DOCK1: variants seen among roughly 807,000 people sequenced by gnomAD.
The protein encoded by DOCK1 is dedicator of cytokinesis 1, also known as dedicator of cytokinesis protein 1.
Under a neutral mutation model 262.7 loss-of-function variants are expected in DOCK1, and 138 were observed. The ratio of observed to expected loss-of-function variants is 0.53; its 90% CI spans 0.46 to 0.61. The LOEUF (loss-of-function observed/expected upper bound fraction) is 0.61, where lower values mean the gene tolerates loss of function less well. Ranked by LOEUF, DOCK1 falls within the 20% of genes least tolerant of loss-of-function variation. DOCK1 has a pLI of 0.00. For synonymous variants in DOCK1, 866 were observed against 867.4 expected, an observed-to-expected ratio of 1.00 and a Z score of 0.03; for missense variants, 1,908 against 2,370.7, an observed-to-expected ratio of 0.80 and a Z score of 4.05.
At chr10:127,180,075 A>C (rs1156627200) in intron 27 of DOCK1, among the ~76,000 whole-genome samples, 1 of 152,218 alleles carries the variant, frequency 6.6e-6, no homozygotes, top group East Asian at 1.9e-4. Flanking sequence ...CACATGCCCT[A>C]ACCCACTACC....
intron 29 of DOCK1, among the ~76,000 whole-genome samples, chr10:127,290,692 G>C (rs1362978057): frequency 6.6e-6 from 1 of 152,166 alleles, no homozygotes; most frequent in East Asian, 1.9e-4. Context: ...GTAACCTTTT[G>C]AGACTGGCTT....
At chr10:127,113,568 G>C (rs2048996295) in intron 25 of DOCK1, among the ~76,000 whole-genome samples, 1 of 152,170 alleles carries the variant, frequency 6.6e-6, no homozygotes, top group Admixed American at 6.5e-5. Context: ...TGCCAGGTCT[G>C]GGTCCCAGTA....
rs561742398 is a variant in DOCK1 at position 126,978,768 on chromosome 10, A to G, written c.171+780A>G. On this transcript the variant is annotated intron_variant, in intron 3 of 51. Coordinates refer to ENST00000623213, the MANE Select transcript of DOCK1 (RefSeq NM_001290223.2). Reference sequence around the variant, plus strand: ...GGTTCATTTTACTTTTGTGTCCTAAATTTACCTCTCATTATCTCCTTATTG... The same window carrying G: ...GGTTCATTTTACTTTTGTGTCCTAAGTTTACCTCTCATTATCTCCTTATTG... 1.3e-3 allele frequency among the ~76,000 whole-genome samples: 205 copies of G among 152,168 alleles called. 2 individuals are homozygous for G. In the Middle Eastern group the frequency reaches 0.021, roughly 15 times the overall value.
intron 46 of DOCK1, among the ~76,000 whole-genome samples, chr10:127,424,794 G>A (rs2068718747): frequency 6.6e-6 from 1 of 152,194 alleles, no homozygotes; most frequent in African/African-American, 2.4e-5. Flanking sequence ...AGAAAGGCCT[G>A]ACATGTGCCT....
In DOCK1 at chr10:127,175,992, G is replaced by T. The variant is rs1176317750; in HGVS notation, c.2847+48228G>T. 6.2e-7 allele frequency: 1 copy of T among 1,614,062 alleles called. No homozygotes were observed. The highest frequency in any genetic ancestry group is 8.5e-7 in the Non-Finnish European group (1 of 1,180,056). ...AAACCCATTGTTTTGGCTTTTAAAG[G>T]GATCTGCAGCTGGGAGGCTTTTGAG... On this transcript the variant is annotated intron_variant, in intron 27 of 51. Coordinates refer to ENST00000623213, the MANE Select transcript of DOCK1 (RefSeq NM_001290223.2). This position sits in a 1 kb window ranked among gnomAD's most constrained non-coding sequence, Gnocchi z 6.3.
rs764869502 is a variant in DOCK1, at chr10:127,447,509, C to A, written c.5529C>A (p.Gly1843=). ...GNLMENQDLL[G]SPTPPPPPPH... ...TGATGGAAAACCAGGACTTGCTGGG[C>A]TCGCCAACACCTCCACCTCCCCCTC... Residue 1843 remains glycine (G), a synonymous_variant, in exon 51 of 52, where the codon GGC becomes GGA. Coordinates refer to ENST00000623213, the MANE Select transcript of DOCK1 (RefSeq NM_001290223.2). The A allele has an allele frequency of 6.2e-7, 1 of 1,613,902 alleles. No homozygotes were observed. The highest frequency in any genetic ancestry group is 1.3e-5 in the African/African-American group (1 of 75,048).
chr10:127,243,948 A>G (rs1249988417), intron 27 of DOCK1, among the ~76,000 whole-genome samples: 1 of 152,066 alleles, frequency 6.6e-6, no homozygotes, highest in Non-Finnish European at 1.5e-5. Flanking sequence ...CTTGTACTAT[A>G]TATTCTTTAT....
chr10:127,126,086 C>CTT (rs11307702), intron 26 of DOCK1, among the ~76,000 whole-genome samples: 12 of 135,326 alleles, frequency 8.9e-5, no homozygotes, highest in African/African-American at 2.9e-4. Flanking sequence ...TACCCTATTC[C>CTT]TTTTTTTTTT....
chr10:127,394,176 C>T (rs1196874857), intron 38 of DOCK1, among the ~76,000 whole-genome samples: 2 of 152,066 alleles, frequency 1.3e-5, no homozygotes, highest in Non-Finnish European at 2.9e-5. Flanking sequence ...CAGTATTAGC[C>T]AACACCAGCC....
At position 127,186,515 on chromosome 10, in the gene DOCK1, G is replaced by A. The variant is rs58421021; in HGVS notation, c.2847+58751G>A. 0.012 allele frequency among the ~76,000 whole-genome samples: 152 copies of A among 12,634 alleles called. 37 individuals are homozygous for A. The East Asian group carries it at 0.21, about 18-fold the overall frequency. The allele number at this position is 12,634 out of a possible 152,430, so 8.3% of individuals were successfully genotyped here. A position where few individuals can be genotyped will look rare whatever the true frequency, so the allele number is the denominator to read the frequency against. ...ACAGCATGGGAGAAACCGCCCCCCC[G>A]CCCCCCCCCGATCCAGTTACCTCCA... On this transcript the variant is annotated intron_variant, in intron 27 of 51. Transcript: ENST00000623213.
chr10:127,384,519 T>C (rs1353377995), intron 37 of DOCK1, among the ~76,000 whole-genome samples: 1 of 152,182 alleles, frequency 6.6e-6, no homozygotes, highest in Non-Finnish European at 1.5e-5. Flanking sequence ...TTAGGAGGTG[T>C]CATTTGCAAG....
intron 50 of DOCK1, among the ~76,000 whole-genome samples, chr10:127,445,921 A>T (rs553195425): frequency 1.7e-4 from 26 of 152,374 alleles, no homozygotes; most frequent in African/African-American, 4.3e-4. Flanking sequence ...AAAGGGACAA[A>T]TATTATATGA....
At chr10:127,354,805 G>T in intron 32 of DOCK1, 78 bp downstream of exon 32, 2 of 1,559,842 alleles carry the variant, frequency 1.3e-6, no homozygotes. Flanking sequence ...GTTCATCAGT[G>T]TTGGGATGTC....
intron 27 of DOCK1, among the ~76,000 whole-genome samples, chr10:127,161,388 C>A (rs1172569589): frequency 6.6e-6 from 1 of 152,110 alleles, no homozygotes; most frequent in East Asian, 1.9e-4. Context: ...TCCCTTTTTC[C>A]CAGTAGCTGA....
At chr10:127,228,957 G>A (rs146753829) in intron 27 of DOCK1, among the ~76,000 whole-genome samples, 2,331 of 152,264 alleles carry the variant, frequency 0.015, 29 homozygotes, top group Non-Finnish European at 0.024. Context: ...CTTTGGCCGG[G>A]TGCAGTGGCT....
chr10:127,377,619 C>T (rs1489389643), intron 35 of DOCK1, among the ~76,000 whole-genome samples: 1 of 151,782 alleles, frequency 6.6e-6, no homozygotes, highest in Non-Finnish European at 1.5e-5. Flanking sequence ...AAAATAGGTC[C>T]GGGTGTGGTG....
intron 10 of DOCK1, among the ~76,000 whole-genome samples, chr10:127,007,853 G>C (rs552046723): frequency 2.0e-5 from 3 of 152,244 alleles, no homozygotes; most frequent in South Asian, 4.1e-4. Context: ...AGTATGGTAG[G>C]TTACTGAGGA....
intron 27 of DOCK1, among the ~76,000 whole-genome samples, chr10:127,180,934 A>G (rs1050203578): frequency 6.6e-6 from 1 of 152,190 alleles, no homozygotes; most frequent in Non-Finnish European, 1.5e-5. Context: ...TCTGTTTTCC[A>G]ATTTGGGGAG....
intron 1 of DOCK1, among the ~76,000 whole-genome samples, chr10:126,954,682 C>G (rs1022472367): frequency 6.6e-6 from 1 of 152,200 alleles, no homozygotes; most frequent in African/African-American, 2.4e-5. Context: ...TAGGATCACA[C>G]GCTTCTGTCC....
Sources: allele counts gnomAD v4.1 joint callset (sites outside exome capture counted in the v4.1 genomes callset), GRCh38; gene constraint gnomAD v4.1.1; non-coding constraint Gnocchi (gnomAD v3.1); transcripts MANE v1.5; gene names NCBI Gene and HGNC (gene_info 2026-07-23, HGNC 2026-07-21).